Variants in ARHGAP10 observed in about 807,000 individuals in gnomAD.
ARHGAP10 encodes the protein Rho GTPase activating protein 10.
Under a neutral mutation model 108.6 loss-of-function variants are expected in ARHGAP10, and 87 were observed. That is an observed-to-expected ratio of 0.80 (90% CI 0.67 to 0.96). The LOEUF is 0.96. ARHGAP10 is among the 40% of genes least tolerant of loss of function. ARHGAP10 has a pLI of 0.00. For synonymous variants in ARHGAP10, 347 were observed against 341.1 expected, an observed-to-expected ratio of 1.02 and a Z score of -0.19; for missense variants, 939 against 954.5, an observed-to-expected ratio of 0.98 and a Z score of 0.21.
intron 8 of ARHGAP10, among the ~76,000 whole-genome samples, chr4:147,877,819 C>CTTTTTTTTTTTTTTTT (rs549355620): frequency 4.6e-5 from 6 of 131,454 alleles, no homozygotes; most frequent in African/African-American, 1.6e-4. Context: ...ATTCTTCATA[C>CTTTTTTTTTTTTTTTT]TTTTTTTTTT....
chr4:147,938,711 C>T (rs754051912), intron 13 of ARHGAP10, among the ~76,000 whole-genome samples: 7 of 152,110 alleles, frequency 4.6e-5, no homozygotes, highest in Non-Finnish European at 1.0e-4. Flanking sequence ...ATTCCATGGC[C>T]TTTTGTTGTG....
chr4:147,958,364 C>G (rs1457629167), intron 16 of ARHGAP10, among the ~76,000 whole-genome samples: 1 of 151,618 alleles, frequency 6.6e-6, no homozygotes, highest in Admixed American at 6.5e-5. Flanking sequence ...ACTTGTGTTG[C>G]TATGTTCAGT....
rs150867536 is a variant in ARHGAP10, at chr4:147,751,260, A to G, written c.154+18805A>G. On this transcript the variant is annotated intron_variant, in intron 1 of 22. Transcript: ENST00000336498. ...GATGTTAGATTTTAATTGACCTGAT[A>G]TATAAGTTTAGCTATTGTTAAACAT... Among the ~76,000 whole-genome samples, 85 of 152,314 alleles carry G rather than the reference A, an allele frequency of 5.6e-4. 1 individual carries two copies. The highest frequency in any genetic ancestry group is 1.8e-3 in the African/African-American group (73 of 41,594).
chr4:147,919,811 C>T (rs2126932324), intron 13 of ARHGAP10, among the ~76,000 whole-genome samples: 1 of 152,140 alleles, frequency 6.6e-6, no homozygotes, highest in Non-Finnish European at 1.5e-5. Flanking sequence ...GAACTCCTGA[C>T]CTTAAGTATC....
intron 7 of ARHGAP10, among the ~76,000 whole-genome samples, chr4:147,873,675 A>G (rs1481497927): frequency 1.2e-4 from 4 of 32,602 alleles, no homozygotes; most frequent in Non-Finnish European, 3.4e-4. Context: ...AAAAAACAAA[A>G]AACAAAACAC....
At chr4:147,749,234 T>G (rs751822781) in intron 1 of ARHGAP10, among the ~76,000 whole-genome samples, 1 of 152,150 alleles carries the variant, frequency 6.6e-6, no homozygotes, top group African/African-American at 2.4e-5. Context: ...AAGGACAAGG[T>G]TGTTGGCACA....
intron 1 of ARHGAP10, among the ~76,000 whole-genome samples, chr4:147,818,149 TTTCTTC>T (rs926685990): frequency 2.0e-5 from 3 of 151,632 alleles, no homozygotes; most frequent in African/African-American, 7.3e-5. Flanking sequence ...CCTATTTTTT[TTTCTTC>T]TTCTTTTTCT....
At chr4:147,965,888 G>C (rs1436113366) in intron 17 of ARHGAP10, among the ~76,000 whole-genome samples, 1 of 152,200 alleles carries the variant, frequency 6.6e-6, no homozygotes, top group Non-Finnish European at 1.5e-5. Flanking sequence ...AACAGCTTCA[G>C]ATGATAAATA....
chr4:147,910,588 A>C (rs1212373059), intron 12 of ARHGAP10, among the ~76,000 whole-genome samples: 2 of 152,152 alleles, frequency 1.3e-5, no homozygotes, highest in Admixed American at 6.6e-5. Flanking sequence ...ACAACAATTA[A>C]ATTTATTCAA....
chr4:147,929,274 T>C (rs980315543), intron 13 of ARHGAP10, among the ~76,000 whole-genome samples: 1 of 152,202 alleles, frequency 6.6e-6, no homozygotes, highest in Non-Finnish European at 1.5e-5. Flanking sequence ...ATGCATTCTT[T>C]TCCCAAAGCT....
chr4:148,009,139 T>G (rs536139803), intron 18 of ARHGAP10, among the ~76,000 whole-genome samples: 5 of 148,302 alleles, frequency 3.4e-5, no homozygotes, highest in Non-Finnish European at 7.5e-5. Flanking sequence ...TTTTTTCTCT[T>G]TTTTTTTTTT....
chr4:147,787,822 C>G (rs1352202789), intron 1 of ARHGAP10, among the ~76,000 whole-genome samples: 2 of 152,022 alleles, frequency 1.3e-5, no homozygotes, highest in African/African-American at 4.8e-5. Flanking sequence ...AGTCATGATG[C>G]CTGGGGGGAA....
At chr4:148,049,795 G>GT (rs150272022) in intron 20 of ARHGAP10, among the ~76,000 whole-genome samples, 13 of 132,532 alleles carry the variant, frequency 9.8e-5, no homozygotes, top group African/African-American at 2.6e-4. Flanking sequence ...TCATAAAATT[G>GT]TTTTTTTTGT....
At chr4:148,031,062 C>A (rs1232899854) in intron 19 of ARHGAP10, among the ~76,000 whole-genome samples, 1 of 151,902 alleles carries the variant, frequency 6.6e-6, no homozygotes, top group Non-Finnish European at 1.5e-5. Context: ...CCATCTCCAA[C>A]AACAACAACA....
rs1348257590 is a variant in ARHGAP10, at chr4:147,973,108, T to A, written c.1716+6269T>A. 5.9e-5 allele frequency among the ~76,000 whole-genome samples: 9 copies of A among 152,252 alleles called. 1 individual carries two copies. In the South Asian group the frequency reaches 1.7e-3, roughly 28 times the overall value. ...AGTGTGGATCAACTTGTAAGATGTATGTGAATGAGTGTTTCGGAATGAGTG... is the reference window on the plus strand; with the variant it reads ...AGTGTGGATCAACTTGTAAGATGTAAGTGAATGAGTGTTTCGGAATGAGTG... On this transcript the variant is annotated intron_variant, in intron 18 of 22. Transcript: ENST00000336498.
chr4:147,742,142 G>T (rs909164991), intron 1 of ARHGAP10, among the ~76,000 whole-genome samples: 1 of 151,784 alleles, frequency 6.6e-6, no homozygotes, highest in South Asian at 2.1e-4. Flanking sequence ...AATACAGGAT[G>T]TGGAATGGTC....
chr4:147,746,474 C>T (rs1029191480), intron 1 of ARHGAP10, among the ~76,000 whole-genome samples: 2 of 150,636 alleles, frequency 1.3e-5, no homozygotes, highest in African/African-American at 2.4e-5. Context: ...GATCTTGGCT[C>T]ACTGCAACCT....
At chr4:148,059,301 C>T (rs1363377960) in intron 20 of ARHGAP10, among the ~76,000 whole-genome samples, 1 of 152,128 alleles carries the variant, frequency 6.6e-6, no homozygotes, top group African/African-American at 2.4e-5. Flanking sequence ...ACTTCTTCCT[C>T]CATTTTCGCA....
chr4:148,028,698 T>A (rs1727991438), intron 19 of ARHGAP10, among the ~76,000 whole-genome samples: 1 of 152,228 alleles, frequency 6.6e-6, no homozygotes, highest in Admixed American at 6.5e-5. Flanking sequence ...TGACTTAATC[T>A]GCCAGTAGAA....
Sources: gnomAD v4.1 joint callset for allele counts (sites outside exome capture counted in the v4.1 genomes callset) on GRCh38, gnomAD v4.1.1 for gene constraint, MANE v1.5 for transcripts, NCBI Gene and HGNC (gene_info 2026-07-23, HGNC 2026-07-21) for gene names.